ZNF563: variants seen among roughly 807,000 people sequenced by gnomAD.
ZNF563 encodes zinc finger protein 563.
Under a neutral mutation model 48.5 loss-of-function variants are expected in ZNF563, and 39 were observed. The ratio of observed to expected loss-of-function variants is 0.80; its 90% CI spans 0.62 to 1.05. ZNF563 has a LOEUF of 1.05. ZNF563 is among the 50% of genes least tolerant of loss of function. The pLI, the probability that ZNF563 is intolerant of heterozygous loss-of-function variation, is 0.00. For missense variants in ZNF563, 538 were observed against 597.0 expected (o/e 0.90, Z 1.03); for synonymous variants, 168 against 187.9 (o/e 0.89, Z 0.87).
intron 1 of ZNF563, among the ~76,000 whole-genome samples, chr19:12,323,622 A>C: frequency 6.6e-6 from 1 of 152,218 alleles, no homozygotes; most frequent in East Asian, 1.9e-4. Context: ...AGCCTCCAGA[A>C]CAGTAAAAAA....
At chr19:12,324,720 GAAAAAA>G (rs61639995) in intron 1 of ZNF563, among the ~76,000 whole-genome samples, 1 of 56,792 alleles carries the variant, frequency 1.8e-5, no homozygotes, top group Non-Finnish European at 3.6e-5. Flanking sequence ...TCCGTCTCAA[GAAAAAA>G]AAAAAAAAAA....
chr19:12,327,432 C>A (rs1356090184), intron 1 of ZNF563, among the ~76,000 whole-genome samples: 1 of 146,964 alleles, frequency 6.8e-6, no homozygotes, highest in Non-Finnish European at 1.5e-5. Flanking sequence ...TGCATTCCAG[C>A]CTGGGCGACA....
At position 12,333,536 on chromosome 19, in the gene ZNF563, C is replaced by A; in HGVS notation, c.-54G>T. ...CTCCCTCTGCCTCCCGCTGCCAGTG[C>A]GGGTCCCACTGTGACAGAGGCTGCC... On this transcript the variant is annotated 5_prime_UTR_variant, in exon 1 of 4. Transcript: ENST00000293725. 1 of 1,610,332 alleles carries A rather than the reference C, an allele frequency of 6.2e-7. No homozygotes were observed.
intron 1 of ZNF563, among the ~76,000 whole-genome samples, chr19:12,330,476 G>A (rs1968894032): frequency 6.6e-6 from 1 of 152,182 alleles, no homozygotes; most frequent in Non-Finnish European, 1.5e-5. Flanking sequence ...AATTAAGACA[G>A]GGAAGCGCTT....
Position 12,319,798 on chromosome 19 carries a change from T to C in ZNF563, c.227A>G (p.Asp76Gly), listed in dbSNP as rs61744176. 2.7e-5 allele frequency: 43 copies of C among 1,613,548 alleles called. No homozygotes were observed. In the Admixed American group the frequency reaches 5.8e-4, roughly 22 times the overall value. Reference sequence around the variant, plus strand: ...AAATGTTTCTCCACACTGACTACTGTCTTTACTTTCACTGAATCTCTCTAC... The same window carrying C: ...AAATGTTTCTCCACACTGACTACTGCCTTTACTTTCACTGAATCTCTCTAC... ...HMVERFSESK[D>G]SSQCGETFSL... Residue 76 changes from aspartate to glycine, a missense_variant, in exon 4 of 4, where the codon GAC (aspartate) becomes GGC (glycine). Asp to Gly is a moderately conservative substitution (Grantham distance 94). Coordinates refer to ENST00000293725, the MANE Select transcript of ZNF563 (RefSeq NM_145276.3).
At chr19:12,333,078 C>T (rs1296922535) in intron 1 of ZNF563, among the ~76,000 whole-genome samples, 1 of 152,194 alleles carries the variant, frequency 6.6e-6, no homozygotes, top group African/African-American at 2.4e-5. Flanking sequence ...CAGAGGGACA[C>T]CGGTCCCCTT....
At position 12,319,289 on chromosome 19, in the gene ZNF563, T is replaced by G. The variant is rs1968535305; in HGVS notation, c.736A>C (p.Met246Leu). Reference sequence around the variant, plus strand: ...TCATACGGTTTCTCCCCAGTGTGCATTCTCTCATGTCTTCGATAGGAACTG... The same window carrying G: ...TCATACGGTTTCTCCCCAGTGTGCAGTCTCTCATGTCTTCGATAGGAACTG... ...FYSSYRRHER[M>L]HTGEKPYECK... The change falls in exon 4 of 4, where the codon ATG (methionine) becomes CTG (leucine). Residue 246 changes from methionine (M) to leucine (L), a missense_variant. Physicochemically the swap from Met to Leu is conservative, Grantham distance 15 (BLOSUM62 2). Coordinates refer to ENST00000293725, the MANE Select transcript of ZNF563 (RefSeq NM_145276.3). The G allele has an allele frequency of 6.2e-7, 1 of 1,613,946 alleles. No homozygotes were observed. Among genetic ancestry groups the G allele is most frequent in the Admixed American group, 1.7e-5 (1 of 59,976 alleles).
chr19:12,341,557 A>AG, the ZNF563 span, among the ~76,000 whole-genome samples: 27 of 152,158 alleles, frequency 1.8e-4, no homozygotes, highest in African/African-American at 6.5e-4. Flanking sequence ...CAAATAGAAC[A>AG]GGGGGGGCTA....
At chr19:12,342,779 TAA>T in the ZNF563 span, among the ~76,000 whole-genome samples, 13 of 96,282 alleles carry the variant, frequency 1.4e-4, no homozygotes, top group Non-Finnish European at 1.4e-4. Context: ...TCTCAAAAAT[TAA>T]AAAAAAAAAA....
chr19:12,318,955 C>G lies in ZNF563; in HGVS notation c.1070G>C (p.Arg357Pro). ...DRPSLVRYHE[R>P]IHTGEKPYEC... The stretch of plus-strand genomic sequence containing the variant: ...ATAGGGTTTCTCTCCAGTGTGAATT[C>G]GTTCATGATATCGAACTAAACTGGG... The change falls in exon 4 of 4, where the codon CGA becomes CCA. Residue 357 changes from arginine to proline, a missense_variant. Coordinates refer to ENST00000293725, the MANE Select transcript of ZNF563 (RefSeq NM_145276.3). 6.2e-7 allele frequency: 1 copy of G among 1,614,184 alleles called. No homozygotes were observed. Among genetic ancestry groups the G allele is most frequent in the Non-Finnish European group, 8.5e-7 (1 of 1,180,018 alleles).
At chr19:12,323,471 G>A (rs1465501494) in intron 1 of ZNF563, among the ~76,000 whole-genome samples, 1 of 152,210 alleles carries the variant, frequency 6.6e-6, no homozygotes, top group Non-Finnish European at 1.5e-5. Context: ...AAGGGGACTG[G>A]TGTCCTTATA....
chr19:12,338,515 T>C (rs569454688), upstream of ZNF563, among the ~76,000 whole-genome samples: 3 of 152,206 alleles, frequency 2.0e-5, no homozygotes, highest in African/African-American at 7.2e-5. Context: ...AGAGCTGGGA[T>C]TGCAGGTATG....
upstream of ZNF563, among the ~76,000 whole-genome samples, chr19:12,334,499 C>T (rs1279873074): frequency 2.6e-5 from 4 of 152,140 alleles, no homozygotes; most frequent in African/African-American, 7.2e-5. Context: ...ACATACTTCC[C>T]TGTGCCCTCT....
chr19:12,329,202 G>A (rs1443801902), intron 1 of ZNF563, among the ~76,000 whole-genome samples: 9 of 152,174 alleles, frequency 5.9e-5, no homozygotes, highest in Admixed American at 1.3e-4. Flanking sequence ...GGCTGGGCGC[G>A]TTGGCTCATG....
intron 3 of ZNF563, among the ~76,000 whole-genome samples, chr19:12,321,043 G>A (rs1968607764): frequency 6.6e-6 from 1 of 151,926 alleles, no homozygotes; most frequent in African/African-American, 2.4e-5. Flanking sequence ...AGGAGGCTCT[G>A]GTGGGAGGGT....
chr19:12,329,458 G>A (rs1379462640), intron 1 of ZNF563, among the ~76,000 whole-genome samples: 1 of 132,064 alleles, frequency 7.6e-6, no homozygotes, highest in African/African-American at 3.0e-5. Flanking sequence ...GGGTGACAGA[G>A]CAAGACTCCA....
At chr19:12,329,943 G>A (rs1250240682) in intron 1 of ZNF563, among the ~76,000 whole-genome samples, 6 of 150,150 alleles carry the variant, frequency 4.0e-5, no homozygotes, top group South Asian at 2.1e-4. Flanking sequence ...TTTTTGAGAC[G>A]GAGTTTTGCT....
At position 12,319,145 on chromosome 19, in the gene ZNF563, TG is replaced by T. The variant is rs1451882134; in HGVS notation, c.879del (p.Ser294ValfsTer35). ...GTGGTTTCATGTCTTCGAAGGGAAC[TG>T]GAAACACTGAAGGCTTTCCCACACT... ...CKQCGKAFSV[S>X]SSLRRHETTH... On this transcript the variant is annotated frameshift_variant, in exon 4 of 4. Transcript: ENST00000293725. LOFTEE classifies it high-confidence loss of function. 6.2e-7 allele frequency: 1 copy of T among 1,614,022 alleles called. No individual in the cohort carries two copies. Among genetic ancestry groups the T allele is most frequent in the Middle Eastern group, 1.6e-4 (1 of 6,062 alleles).
At chr19:12,329,513 A>G (rs1968874068) in intron 1 of ZNF563, among the ~76,000 whole-genome samples, 1 of 151,856 alleles carries the variant, frequency 6.6e-6, no homozygotes, top group Non-Finnish European at 1.5e-5. Context: ...CAACAAACCA[A>G]CAGATGATTC....
Sources: allele counts gnomAD v4.1 joint callset (sites outside exome capture counted in the v4.1 genomes callset), GRCh38; gene constraint gnomAD v4.1.1; transcripts MANE v1.5; gene names NCBI Gene and HGNC (gene_info 2026-07-23, HGNC 2026-07-21).